PAX3: variants seen among roughly 807,000 people sequenced by gnomAD.
The protein encoded by PAX3 is paired box 3, also known as paired box protein Pax-3.
In PAX3, 14 loss-of-function variants were observed where a neutral mutation model predicts 51.6. The observed-to-expected ratio is 0.27, with a 90% CI of 0.18 to 0.42. PAX3 has a LOEUF of 0.42. Ranked by LOEUF, PAX3 falls within the 10% of genes least tolerant of loss-of-function variation. PAX3 has a pLI of 1.00. For missense variants in PAX3, 540 were observed against 642.8 expected (o/e 0.84, Z 1.73); for synonymous variants, 280 against 253.4 (o/e 1.11, Z -1.00).
intron 4 of PAX3, among the ~76,000 whole-genome samples, chr2:222,265,698 G>GGAAGGAAGGA (rs1574716609): frequency 4.6e-5 from 7 of 152,056 alleles, no homozygotes; most frequent in South Asian, 2.1e-4. Flanking sequence ...AAGGGAGAAA[G>GGAAGGAAGGA]ATTGATTTTG....
intron 7 of PAX3, 78 bp downstream of exon 7, chr2:222,220,061 CA>C: frequency 1.6e-6 from 2 of 1,267,636 alleles, no homozygotes; most frequent in Non-Finnish European, 2.3e-6. Flanking sequence ...TTTGGCAATT[CA>C]TTACACTACT....
chr2:222,207,134 T>A (rs1032449926), intron 7 of PAX3, among the ~76,000 whole-genome samples: 6 of 152,200 alleles, frequency 3.9e-5, no homozygotes, highest in African/African-American at 1.4e-4. Context: ...ATCAAAAATG[T>A]TCAAATGTTT....
In PAX3 at chr2:222,200,977, T is replaced by C. The variant is rs144011153; in HGVS notation, c.*431A>G. The C allele has an allele frequency of 5.2e-4, 318 of 614,548 alleles. No individual in the cohort carries two copies. In the African/African-American group the frequency reaches 5.4e-3, roughly 10 times the overall value. The allele number at this position is 614,548 out of a possible 1,614,324, so 38.1% of individuals were successfully genotyped here. On this transcript the variant is annotated 3_prime_UTR_variant, in exon 9 of 9. Transcript: ENST00000392070. Reference sequence around the variant, plus strand: ...AACATCGACATGTTATACTTTAGGGTATTCTATTATATTTTAGAACAGTCT... The same window carrying C: ...AACATCGACATGTTATACTTTAGGGCATTCTATTATATTTTAGAACAGTCT...
chr2:222,290,149 T>A (rs1443287536), intron 4 of PAX3, among the ~76,000 whole-genome samples: 1 of 152,204 alleles, frequency 6.6e-6, no homozygotes, highest in African/African-American at 2.4e-5. Context: ...AGTCCCTTAA[T>A]GATAAGAGTG....
chr2:222,286,610 G>A (rs1029766425), intron 4 of PAX3, among the ~76,000 whole-genome samples: 2 of 152,202 alleles, frequency 1.3e-5, no homozygotes, highest in Non-Finnish European at 2.9e-5. Flanking sequence ...AAAATGGTGC[G>A]AACTTTGCTG....
chr2:222,266,010 G>A (rs1694044783), intron 4 of PAX3, among the ~76,000 whole-genome samples: 1 of 152,188 alleles, frequency 6.6e-6, no homozygotes, highest in African/African-American at 2.4e-5. Flanking sequence ...GGTTGATCCA[G>A]GTTTTGCGGA....
At chr2:222,238,236 A>G (rs566931838) in intron 4 of PAX3, among the ~76,000 whole-genome samples, 1 of 152,336 alleles carries the variant, frequency 6.6e-6, no homozygotes, top group East Asian at 1.9e-4. Flanking sequence ...CATGAAGTTT[A>G]ATTAAAGAAG....
intron 4 of PAX3, among the ~76,000 whole-genome samples, chr2:222,276,420 T>A (rs1694422547): frequency 6.6e-6 from 1 of 152,208 alleles, no homozygotes; most frequent in East Asian, 1.9e-4. Flanking sequence ...TAGCAGTTGC[T>A]CACCTTCTAA....
chr2:222,287,193 A>T (rs995467761), intron 4 of PAX3, among the ~76,000 whole-genome samples: 1 of 152,248 alleles, frequency 6.6e-6, no homozygotes, highest in Non-Finnish European at 1.5e-5. Context: ...GGACAAAACT[A>T]TCTTTCCCAA....
At position 222,220,145 on chromosome 2, in the gene PAX3, G is replaced by T; in HGVS notation, c.1168C>A (p.Pro390Thr). 1 of 1,613,282 alleles carries T rather than the reference G, an allele frequency of 6.2e-7. No individual in the cohort carries two copies. Among genetic ancestry groups the T allele is most frequent in the Non-Finnish European group, 8.5e-7 (1 of 1,179,476 alleles). Residue 390 changes from proline (P) to threonine (T), a missense_variant, in exon 7 of 9, where the codon CCT (proline) becomes ACT (threonine). Physicochemically the swap from Pro to Thr is conservative, Grantham distance 38. This residue lies in a region of PAX3 where 427 missense variants were observed against 483.6 expected (regional missense o/e 0.88). Coordinates refer to ENST00000392070, the MANE Select transcript of PAX3 (RefSeq NM_181458.4). ...TCTAGAAACACGGGACTGACCTGAGGTGAGAGGCCATTGCCAATGGTGGGG... is the reference window on the plus strand; with the variant it reads ...TCTAGAAACACGGGACTGACCTGAGTTGAGAGGCCATTGCCAATGGTGGGG... Reference protein sequence around the residue: ...MNPTIGNGLSPQVMGLLTNHG... With the variant: ...MNPTIGNGLSTQVMGLLTNHG...
Position 222,298,883 on chromosome 2 carries a change from T to A in PAX3, c.-268A>T, listed in dbSNP as rs1189977755. ...AAAGTTTGGTACGAGTCTGGGCAAA[T>A]GTTCCAGCGACTGGGGTCCCTGAAA... On this transcript the variant is annotated 5_prime_UTR_variant, in exon 1 of 9. Transcript: ENST00000392070. The A allele has an allele frequency of 9.0e-6, 5 of 555,690 alleles. No homozygotes were observed. The highest frequency in any genetic ancestry group is 1.6e-5 in the Non-Finnish European group (5 of 309,296). The allele number at this position is 555,690 out of a possible 1,614,324, so 34.4% of individuals were successfully genotyped here.
chr2:222,247,141 T>A (rs1237631742), intron 4 of PAX3, among the ~76,000 whole-genome samples: 1 of 152,162 alleles, frequency 6.6e-6, no homozygotes, highest in Non-Finnish European at 1.5e-5. Context: ...CCTTACAGCA[T>A]CCCTCCCAAG....
At position 222,200,517 on chromosome 2, in the gene PAX3, A is replaced by G. The variant is rs1161030082; in HGVS notation, c.*891T>C. On this transcript the variant is annotated 3_prime_UTR_variant, in exon 9 of 9. Transcript: ENST00000392070. ...AAGCACCTGCAAAAATATACTTCTG[A>G]TTTTGCTTATATCGCCTTGGGCATT... The G allele has an allele frequency of 8.7e-6, 2 of 230,904 alleles. No individual in the cohort carries two copies. Among genetic ancestry groups the G allele is most frequent in the Non-Finnish European group, 1.7e-5 (2 of 116,498 alleles). 14.3% of individuals were successfully genotyped at this position (230,904 alleles called of 1,614,324 possible).
intron 4 of PAX3, among the ~76,000 whole-genome samples, chr2:222,291,804 A>C (rs1476320254): frequency 6.6e-6 from 1 of 152,172 alleles, no homozygotes; most frequent in Non-Finnish European, 1.5e-5. Context: ...GAACAACAGA[A>C]AGGAGTTTTT....
intron 4 of PAX3, among the ~76,000 whole-genome samples, chr2:222,284,863 T>C (rs1468965715): frequency 6.6e-6 from 1 of 152,226 alleles, no homozygotes. Context: ...CAGTTCCCTA[T>C]CTTAGAGATG....
chr2:222,282,885 A>C (rs1031964341), intron 4 of PAX3, among the ~76,000 whole-genome samples: 7 of 152,232 alleles, frequency 4.6e-5, no homozygotes, highest in African/African-American at 1.7e-4. Flanking sequence ...GAACAACTCT[A>C]AGCAGTAATT....
intron 5 of PAX3, among the ~76,000 whole-genome samples, chr2:222,230,251 T>C (rs1293149622): frequency 6.6e-6 from 1 of 152,112 alleles, no homozygotes; most frequent in Non-Finnish European, 1.5e-5. Context: ...CTTGAGTTCA[T>C]GTCCTTTGCA....
chr2:222,283,303 C>A (rs911959948), intron 4 of PAX3, among the ~76,000 whole-genome samples: 2 of 151,986 alleles, frequency 1.3e-5, no homozygotes, highest in African/African-American at 4.8e-5. Context: ...AGGTAGGGTA[C>A]CATTTCTGCC....
chr2:222,201,602 C>CAAA, intron 8 of PAX3, 160 bp from the exon 9 acceptor site: 1 of 1,298,492 alleles, frequency 7.7e-7, no homozygotes, highest in Non-Finnish European at 1.1e-6. Flanking sequence ...AACTTTGTGT[C>CAAA]CCTGGGATTA....
Sources: allele counts gnomAD v4.1 joint callset (sites outside exome capture counted in the v4.1 genomes callset), GRCh38; gene constraint gnomAD v4.1.1; regional missense constraint gnomAD v4.1.1; transcripts MANE v1.5; gene names NCBI Gene and HGNC (gene_info 2026-07-23, HGNC 2026-07-21).